Variants in ANTXR1 observed in about 807,000 individuals in gnomAD.
The protein encoded by ANTXR1 is anthrax toxin receptor 1.
Under a neutral mutation model 78.1 loss-of-function variants are expected in ANTXR1, and 19 were observed. The observed-to-expected ratio is 0.24, with a 90% CI of 0.17 to 0.36. The LOEUF (loss-of-function observed/expected upper bound fraction) is 0.36, where lower values mean the gene tolerates loss of function less well. Ranked by LOEUF, ANTXR1 falls within the 10% of genes least tolerant of loss-of-function variation. ANTXR1 has a pLI of 1.00. For synonymous variants in ANTXR1, 273 were observed against 260.5 expected (o/e 1.05, Z -0.46); for missense variants, 518 against 718.6 (o/e 0.72, Z 3.19).
chr2:69,170,235 GTTTTC>G lies in ANTXR1; in HGVS notation c.1048-7_1048-3del, dbSNP rs1673943710. 5.6e-6 allele frequency: 9 copies of G among 1,614,156 alleles called. No individual in the cohort carries two copies. Among genetic ancestry groups the G allele is most frequent in the Non-Finnish European group, 7.6e-6 (9 of 1,180,004 alleles). ...GAGATTTTTCACTGACCTGTTCTCT[GTTTTC>G]TTTTCAGATTATCAAGGAGGTCCCT... On this transcript the variant is annotated splice_region_variant and splice_polypyrimidine_tract_variant and intron_variant, in intron 13 of 17. Coordinates refer to ENST00000303714, the MANE Select transcript of ANTXR1 (RefSeq NM_032208.3).
intron 10 of ANTXR1, among the ~76,000 whole-genome samples, chr2:69,106,424 G>A (rs1016751278): frequency 6.6e-6 from 1 of 152,226 alleles, no homozygotes; most frequent in African/African-American, 2.4e-5. Context: ...AAAAACCTAA[G>A]TAAGAAACAA....
chr2:69,108,889 A>G (rs959371568), intron 10 of ANTXR1, among the ~76,000 whole-genome samples: 1 of 152,222 alleles, frequency 6.6e-6, no homozygotes, highest in Non-Finnish European at 1.5e-5. Flanking sequence ...ATAAAATGTA[A>G]CAAGAACTAA....
intron 17 of ANTXR1, among the ~76,000 whole-genome samples, chr2:69,235,862 T>C (rs921155089): frequency 6.6e-6 from 1 of 151,668 alleles, no homozygotes; most frequent in Non-Finnish European, 1.5e-5. Flanking sequence ...AGATAATTTA[T>C]AAAGAAAAGA....
At chr2:69,047,070 T>C (rs572835367) in intron 3 of ANTXR1, among the ~76,000 whole-genome samples, 11 of 152,264 alleles carry the variant, frequency 7.2e-5, no homozygotes, top group Non-Finnish European at 1.5e-4. Context: ...AAAAATACAG[T>C]ATTCGCAGGA....
intron 5 of ANTXR1, 109 bp downstream of exon 5, chr2:69,071,896 T>C (rs1670579150): frequency 9.8e-7 from 1 of 1,018,182 alleles, no homozygotes; most frequent in African/African-American, 1.6e-5. Flanking sequence ...TATGATATTA[T>C]CTGTAATTCT....
Position 69,154,838 on chromosome 2 carries a change from G to A in ANTXR1, c.1047+2574G>A, listed in dbSNP as rs28416890. 7.9e-3 allele frequency among the ~76,000 whole-genome samples: 1,203 copies of A among 152,254 alleles called. 16 individuals are homozygous for A. Among genetic ancestry groups the A allele is most frequent in the African/African-American group, 0.027 (1,141 of 41,536 alleles). On this transcript the variant is annotated intron_variant, in intron 13 of 17. Transcript: ENST00000303714. Reference sequence around the variant, plus strand: ...AACAACCTGCAAGGCCCCCACCCCCGCTGAGCCACACATTAACCCACAGTG... The same window carrying A: ...AACAACCTGCAAGGCCCCCACCCCCACTGAGCCACACATTAACCCACAGTG...
At chr2:69,199,179 A>C (rs1272005527) in intron 17 of ANTXR1, among the ~76,000 whole-genome samples, 1 of 152,238 alleles carries the variant, frequency 6.6e-6, no homozygotes, top group African/African-American at 2.4e-5. Context: ...ATCACCTAGA[A>C]GGTTTGTTAA....
intron 12 of ANTXR1, among the ~76,000 whole-genome samples, chr2:69,128,183 C>T (rs1398885842): frequency 6.6e-6 from 1 of 151,662 alleles, no homozygotes; most frequent in Non-Finnish European, 1.5e-5. Flanking sequence ...TGAGATCATG[C>T]CACTGCACTC....
At chr2:69,109,503 T>C (rs944382887) in intron 10 of ANTXR1, among the ~76,000 whole-genome samples, 2 of 152,206 alleles carry the variant, frequency 1.3e-5, no homozygotes, top group Non-Finnish European at 2.9e-5. Flanking sequence ...CACACCACAG[T>C]AGGCGAACTG....
intron 12 of ANTXR1, among the ~76,000 whole-genome samples, chr2:69,134,324 T>A (rs940290098): frequency 6.6e-6 from 1 of 152,206 alleles, no homozygotes; most frequent in Admixed American, 6.5e-5. Context: ...CTGAAACACA[T>A]GCAGCTATAC....
chr2:69,185,694 G>A (rs1441272666), intron 16 of ANTXR1, among the ~76,000 whole-genome samples: 1 of 152,184 alleles, frequency 6.6e-6, no homozygotes. Context: ...GATTTTTCAG[G>A]CATCTCAGCA....
chr2:69,071,060 A>G (rs1173539168), intron 4 of ANTXR1, among the ~76,000 whole-genome samples: 1 of 152,152 alleles, frequency 6.6e-6, no homozygotes, highest in African/African-American at 2.4e-5. Context: ...AATTTCAGGG[A>G]CTTCAGCTTT....
rs142288279 is a variant in ANTXR1, at chr2:69,102,930, G to A, written c.792G>A (p.Ser264=). The A allele has an allele frequency of 1.5e-5, 25 of 1,614,104 alleles. No homozygotes were observed. Among genetic ancestry groups the A allele is most frequent in the African/African-American group, 9.3e-5 (7 of 75,026 alleles). Residue 264 remains serine (S), a synonymous_variant, in exon 10 of 18, where the codon TCG becomes TCA. Transcript: ENST00000303714. ...RVLCSFKIND[S]VTLNEKPFSV... is the part of the protein sequence containing the mutation. ...TCTGCAGCTTCAAGATCAATGACTC[G>A]GTCACACTCAGTAAGTCCTTGCAGA...
Position 69,182,635 on chromosome 2 carries a change from C to A in ANTXR1, c.1328C>A (p.Pro443His), listed in dbSNP as rs1449611889. Residue 443 changes from proline (P) to histidine (H), a missense_variant, in exon 16 of 18, where the codon CCC (proline) becomes CAC (histidine). Around this residue, in one of 5 missense-constraint regions of ANTXR1, gnomAD observed 192 missense variants for 230.2 expected, o/e 0.83. Transcript: ENST00000303714. ...AACAATATGCGTCGGCCTTCTTCCC[C>A]CCGGAAGTGGTACTCTCCAATCAAG... is the stretch of plus-strand genomic sequence containing the variant. ...LNNNMRRPSSPRKWYSPIKGK... is the reference protein window; with the variant it reads ...LNNNMRRPSSHRKWYSPIKGK... The A allele has an allele frequency of 2.5e-6, 4 of 1,614,034 alleles. No homozygotes were observed. The highest frequency in any genetic ancestry group is 1.7e-5 in the Admixed American group (1 of 60,006).
chr2:69,072,486 G>A (rs546198659), intron 5 of ANTXR1, among the ~76,000 whole-genome samples: 55 of 152,244 alleles, frequency 3.6e-4, no homozygotes, highest in South Asian at 6.2e-4. Context: ...TAAATCAACC[G>A]TGAATGTTGA....
intron 17 of ANTXR1, among the ~76,000 whole-genome samples, chr2:69,200,520 TCTTGCA>T (rs1167461147): frequency 6.6e-6 from 1 of 152,240 alleles, no homozygotes; most frequent in Non-Finnish European, 1.5e-5. Flanking sequence ...GTGTCTGCAC[TCTTGCA>T]TTCTCTCTCC....
intron 12 of ANTXR1, among the ~76,000 whole-genome samples, chr2:69,128,212 G>A (rs539205632): frequency 3.9e-4 from 58 of 149,410 alleles, no homozygotes; most frequent in African/African-American, 1.1e-3. Context: ...GTGACAGAGC[G>A]AGACTCCATC....
rs932642870 is a variant in ANTXR1, at chr2:69,013,370, G to T, written c.-130G>T. 2 of 1,253,514 alleles carry T rather than the reference G, an allele frequency of 1.6e-6. No homozygotes were observed. The highest frequency in any genetic ancestry group is 1.1e-6 in the Non-Finnish European group (1 of 887,328). The allele number at this position is 1,253,514 out of a possible 1,614,324, so 77.6% of individuals were successfully genotyped here. ...ACTCCTCCAGACAATTGCTTCCGGG[G>T]AGTTGCGAGGGAGCGAGGGGGAATA... is the stretch of plus-strand genomic sequence containing the variant. On this transcript the variant is annotated 5_prime_UTR_variant, in exon 1 of 18. Transcript: ENST00000303714. The surrounding 1 kb of genome is among the most constrained non-coding windows in gnomAD (Gnocchi z 5.0).
At chr2:69,103,057 G>T (rs1357752255) in intron 10 of ANTXR1, 117 bp downstream of exon 10, 2 of 1,095,488 alleles carry the variant, frequency 1.8e-6, no homozygotes, top group Non-Finnish European at 2.8e-6. Flanking sequence ...AGTCTTATTT[G>T]CTGGAAAGAC....
Sources: allele counts gnomAD v4.1 joint callset (sites outside exome capture counted in the v4.1 genomes callset), GRCh38; gene constraint gnomAD v4.1.1; regional missense constraint gnomAD v4.1.1; non-coding constraint Gnocchi (gnomAD v3.1); transcripts MANE v1.5; gene names NCBI Gene and HGNC (gene_info 2026-07-23, HGNC 2026-07-21).